Variants in ARMC3 observed in about 807,000 individuals in gnomAD.
ARMC3 encodes the protein armadillo repeat containing 3.
A neutral mutation model predicts 90.3 loss-of-function variants in ARMC3; 74 were observed. The observed-to-expected ratio is 0.82, with a 90% CI of 0.68 to 0.99. The LOEUF (loss-of-function observed/expected upper bound fraction) is 0.99. Among genes scored for constraint, ARMC3 ranks in the 50% least tolerant of loss-of-function variants. The pLI is 0.00. For missense variants in ARMC3, 958 were observed against 1,042.8 expected (o/e 0.92, Z 1.12); for synonymous variants, 334 against 361.8 (o/e 0.92, Z 0.87).
intron 11 of ARMC3, among the ~76,000 whole-genome samples, chr10:22,998,851 A>G (rs1837148154): frequency 1.3e-5 from 2 of 152,248 alleles, no homozygotes; most frequent in South Asian, 4.1e-4. Context: ...AGAAAAATAC[A>G]TACTTATGAT....
intron 16 of ARMC3, 132 bp from the exon 17 acceptor site, chr10:23,030,464 A>G (rs1838878752): frequency 2.1e-6 from 3 of 1,431,398 alleles, no homozygotes; most frequent in Admixed American, 2.6e-5. Flanking sequence ...GTGGATCCAC[A>G]CAGTTCAATC....
At chr10:22,930,487 C>T (rs1833887397) in intron 1 of ARMC3, among the ~76,000 whole-genome samples, 1 of 152,110 alleles carries the variant, frequency 6.6e-6, no homozygotes, top group Non-Finnish European at 1.5e-5. Context: ...GCGATGCAGG[C>T]ACATTTTAAC....
At chr10:23,002,092 A>C (rs1837320678) in intron 12 of ARMC3, 37 bp downstream of exon 12, 5 of 1,606,772 alleles carry the variant, frequency 3.1e-6, no homozygotes, top group Middle Eastern at 3.7e-4. Flanking sequence ...GGCTCAGATG[A>C]AGAGCAGAAG....
intron 8 of ARMC3, among the ~76,000 whole-genome samples, chr10:22,980,447 TTAATA>T (rs1564369089): frequency 6.6e-6 from 1 of 152,070 alleles, no homozygotes; most frequent in Non-Finnish European, 1.5e-5. Context: ...ACAGTTTAAT[TTAATA>T]TATTTTTTCT....
In ARMC3 at chr10:23,002,021, G is replaced by A. The variant is rs1837316752; in HGVS notation, c.1528G>A (p.Asp510Asn). 1 of 1,613,886 alleles carries A rather than the reference G, an allele frequency of 6.2e-7. No individual in the cohort carries two copies. Among genetic ancestry groups the A allele is most frequent in the Non-Finnish European group, 8.5e-7 (1 of 1,179,820 alleles). Residue 510 changes from aspartate to asparagine, a missense_variant, in exon 12 of 19, where the codon GAC becomes AAC. Transcript: ENST00000298032. ...ASWAVMVCAG[D>N]ELTANELCRL... is the part of the protein sequence containing the mutation. ...TTGGGCAGTGATGGTCTGTGCTGGTGACGAGCTGACGGCCAATGAATTATG... is the reference window on the plus strand; with the variant it reads ...TTGGGCAGTGATGGTCTGTGCTGGTAACGAGCTGACGGCCAATGAATTATG...
chr10:23,019,545 T>A (rs138199288), intron 16 of ARMC3, among the ~76,000 whole-genome samples: 305 of 152,256 alleles, frequency 2.0e-3, no homozygotes, highest in African/African-American at 7.1e-3. Context: ...CTGTTTTGCT[T>A]TGTTTTGTTT....
At chr10:23,029,471 C>T (rs1257635532) in intron 16 of ARMC3, among the ~76,000 whole-genome samples, 1 of 152,092 alleles carries the variant, frequency 6.6e-6, no homozygotes, top group African/African-American at 2.4e-5. Context: ...GAATAAGAAC[C>T]CATGCTATTG....
intron 16 of ARMC3, among the ~76,000 whole-genome samples, chr10:23,030,026 C>G (rs1230903407): frequency 6.6e-6 from 1 of 152,116 alleles, no homozygotes; most frequent in African/African-American, 2.4e-5. Context: ...GTATTACATA[C>G]CTACTACTAT....
chr10:22,931,006 C>T (rs560296624), intron 1 of ARMC3, among the ~76,000 whole-genome samples: 1 of 152,212 alleles, frequency 6.6e-6, no homozygotes, highest in East Asian at 1.9e-4. Context: ...CGGCTCACTG[C>T]AGCCTCCGCC....
At chr10:23,027,770 G>A (rs1838770269) in intron 16 of ARMC3, among the ~76,000 whole-genome samples, 1 of 151,924 alleles carries the variant, frequency 6.6e-6, no homozygotes, top group Admixed American at 6.6e-5. Context: ...CTCTGTCTGG[G>A]ACTTTGATGA....
chr10:23,005,593 G>A (rs1226149773), intron 13 of ARMC3, among the ~76,000 whole-genome samples: 1 of 152,130 alleles, frequency 6.6e-6, no homozygotes, highest in Non-Finnish European at 1.5e-5. Flanking sequence ...GGCTTGGTGC[G>A]GTGGCACACG....
At chr10:22,942,662 T>G (rs1343885277) in intron 2 of ARMC3, among the ~76,000 whole-genome samples, 2 of 152,166 alleles carry the variant, frequency 1.3e-5, no homozygotes, top group African/African-American at 4.8e-5. Flanking sequence ...TAAAAACCAC[T>G]TTGGAAAACT....
At chr10:23,017,132 T>G (rs559929802) in intron 16 of ARMC3, among the ~76,000 whole-genome samples, 1 of 152,262 alleles carries the variant, frequency 6.6e-6, no homozygotes, top group South Asian at 2.1e-4. Context: ...TGGGAAATAC[T>G]AACTTTTGCT....
chr10:23,011,889 T>C (rs939558729), intron 16 of ARMC3, among the ~76,000 whole-genome samples: 2 of 152,178 alleles, frequency 1.3e-5, no homozygotes, highest in African/African-American at 4.8e-5. Flanking sequence ...GAGACAAGTG[T>C]TCCCCTTTAG....
At chr10:23,014,013 C>G in intron 16 of ARMC3, 1 of 1,478,112 alleles carries the variant, frequency 6.8e-7, no homozygotes, top group Non-Finnish European at 9.2e-7. Flanking sequence ...ACAGTATGTC[C>G]AGGGAGAACA....
intron 16 of ARMC3, among the ~76,000 whole-genome samples, chr10:23,015,329 G>T (rs1185602076): frequency 6.6e-6 from 1 of 152,070 alleles, no homozygotes; most frequent in African/African-American, 2.4e-5. Context: ...TCGTTCCCTG[G>T]TTATCCACTC....
At position 22,947,743 on chromosome 10, in the gene ARMC3, G is replaced by A. The variant is rs189632380; in HGVS notation, c.166+1482G>A. Among the ~76,000 whole-genome samples, 10 of 152,262 alleles carry A rather than the reference G, an allele frequency of 6.6e-5. No homozygotes were observed. The East Asian group carries it at 1.3e-3, about 21-fold the overall frequency. On this transcript the variant is annotated intron_variant, in intron 3 of 18. Transcript: ENST00000298032. ...TCAAATGTTAATAATAGGGGAAACT[G>A]GGTCTGAGGTATGTGCAAAGTCTTT...
chr10:22,978,278 G>A (rs535204551), intron 8 of ARMC3, among the ~76,000 whole-genome samples: 1 of 152,320 alleles, frequency 6.6e-6, no homozygotes, highest in Non-Finnish European at 1.5e-5. Context: ...CTGCCGGGCT[G>A]GGGAAGGCCT....
chr10:22,942,294 CTG>C (rs779095575), intron 2 of ARMC3, among the ~76,000 whole-genome samples: 1 of 152,152 alleles, frequency 6.6e-6, no homozygotes, highest in South Asian at 2.1e-4. Flanking sequence ...AGCCTGAACA[CTG>C]TGGGTGCGGC....
Sources: gnomAD v4.1 joint callset for allele counts (sites outside exome capture counted in the v4.1 genomes callset) on GRCh38, gnomAD v4.1.1 for gene constraint, MANE v1.5 for transcripts, NCBI Gene and HGNC (gene_info 2026-07-23, HGNC 2026-07-21) for gene names.